ACOXL: variants seen among roughly 807,000 people sequenced by gnomAD.
The protein encoded by ACOXL is acyl-CoA oxidase like.
Under a neutral mutation model 71.9 loss-of-function variants are expected in ACOXL, and 70 were observed. The ratio of observed to expected loss-of-function variants is 0.97; its 90% CI spans 0.80 to 1.19. The LOEUF is 1.19. Ranked by LOEUF, ACOXL falls within the 50% of genes most tolerant of loss-of-function variation. The pLI is 0.00. For synonymous variants in ACOXL, 253 were observed against 281.6 expected, an observed-to-expected ratio of 0.90 and a Z score of 1.02; for missense variants, 703 against 736.3, an observed-to-expected ratio of 0.95 and a Z score of 0.52.
At chr2:111,081,424 G>A (rs992668018) in intron 16 of ACOXL, among the ~76,000 whole-genome samples, 1 of 152,130 alleles carries the variant, frequency 6.6e-6, no homozygotes, top group Non-Finnish European at 1.5e-5. Flanking sequence ...ATTTAAAATT[G>A]CTACAAAGAG....
chr2:110,853,057 C>T (rs577860477), intron 10 of ACOXL, among the ~76,000 whole-genome samples: 2 of 152,308 alleles, frequency 1.3e-5, no homozygotes, highest in South Asian at 4.2e-4. Context: ...GTCTGCATCC[C>T]CTCCACTGCC....
At chr2:110,968,519 AC>A in intron 12 of ACOXL, 1 of 1,284,614 alleles carries the variant, frequency 7.8e-7, no homozygotes, top group Admixed American at 1.7e-5. Context: ...TACACAAAGA[AC>A]AGCGTAACTC....
chr2:111,030,911 A>G (rs1450891581), intron 14 of ACOXL, among the ~76,000 whole-genome samples: 2 of 152,192 alleles, frequency 1.3e-5, no homozygotes, highest in African/African-American at 2.4e-5. Context: ...GTGATTCGGT[A>G]TCTTTCTGTT....
At chr2:110,826,049 C>T (rs369944382) in intron 9 of ACOXL, among the ~76,000 whole-genome samples, 2 of 152,166 alleles carry the variant, frequency 1.3e-5, no homozygotes, top group Admixed American at 6.5e-5. Flanking sequence ...GCCACAACAA[C>T]CCCCATCAAA....
chr2:110,842,153 G>A (rs946427817), intron 10 of ACOXL, among the ~76,000 whole-genome samples: 1 of 152,106 alleles, frequency 6.6e-6, no homozygotes, highest in Non-Finnish European at 1.5e-5. Context: ...TCCTAAAAAT[G>A]CTCATAACAA....
intron 17 of ACOXL, among the ~76,000 whole-genome samples, chr2:111,117,111 G>A (rs560752794): frequency 6.6e-6 from 1 of 152,224 alleles, no homozygotes; most frequent in Non-Finnish European, 1.5e-5. Flanking sequence ...GACCGAAGGC[G>A]CTAGTCTGGG....
At chr2:110,818,099 C>G (rs1688129825) in intron 9 of ACOXL, among the ~76,000 whole-genome samples, 1 of 151,480 alleles carries the variant, frequency 6.6e-6, no homozygotes, top group Admixed American at 6.6e-5. Flanking sequence ...GCTGAGAGTA[C>G]AAAAAGTATA....
chr2:111,073,290 A>G (rs1196638273), intron 16 of ACOXL, among the ~76,000 whole-genome samples: 1 of 152,072 alleles, frequency 6.6e-6, no homozygotes, highest in African/African-American at 2.4e-5. Flanking sequence ...TTTCTCTTTC[A>G]TGAGTTATGC....
chr2:111,091,149 T>C (rs1283169806), intron 16 of ACOXL, among the ~76,000 whole-genome samples: 1 of 152,166 alleles, frequency 6.6e-6, no homozygotes, highest in East Asian at 1.9e-4. Flanking sequence ...ACATAGCTTT[T>C]TCTTCCAGGA....
intron 14 of ACOXL, among the ~76,000 whole-genome samples, chr2:110,997,062 CAGCCAAAA>C (rs2063428486): frequency 6.6e-6 from 1 of 152,164 alleles, no homozygotes. Flanking sequence ...AACATGGAGC[CAGCCAAAA>C]TAAGAGATGG....
intron 14 of ACOXL, among the ~76,000 whole-genome samples, chr2:111,011,849 A>C (rs2064176858): frequency 7.0e-6 from 1 of 142,006 alleles, no homozygotes; most frequent in African/African-American, 2.6e-5. Context: ...GCACCACTGC[A>C]CTCCAGCCTG....
chr2:110,997,542 G>A (rs960532996), intron 14 of ACOXL, among the ~76,000 whole-genome samples: 1 of 152,098 alleles, frequency 6.6e-6, no homozygotes, highest in African/African-American at 2.4e-5. Context: ...AATATTCCAA[G>A]CCAGATTTAA....
At chr2:110,832,865 A>G (rs1690013430) in intron 9 of ACOXL, among the ~76,000 whole-genome samples, 1 of 152,242 alleles carries the variant, frequency 6.6e-6, no homozygotes, top group South Asian at 2.1e-4. Flanking sequence ...TGTAAATTAA[A>G]CCTACAGTGA....
chr2:111,045,719 C>A (rs967867689), intron 15 of ACOXL, among the ~76,000 whole-genome samples: 1 of 152,108 alleles, frequency 6.6e-6, no homozygotes, highest in Non-Finnish European at 1.5e-5. Context: ...GGCATAGTAG[C>A]CTGTGTCACA....
At chr2:110,949,066 C>G (rs2061229510) in intron 12 of ACOXL, among the ~76,000 whole-genome samples, 2 of 152,020 alleles carry the variant, frequency 1.3e-5, no homozygotes, top group Non-Finnish European at 2.9e-5. Flanking sequence ...ATGAAAAATT[C>G]TGGCTGGTGC....
rs138722177 is a variant in ACOXL, at chr2:110,740,830, G to A, written c.-23+8056G>A. 1.3e-4 allele frequency among the ~76,000 whole-genome samples: 20 copies of A among 152,290 alleles called. No homozygotes were observed. In the East Asian group the frequency reaches 2.3e-3, roughly 18 times the overall value. On this transcript the variant is annotated intron_variant, in intron 1 of 17. Coordinates refer to ENST00000439055, the MANE Select transcript of ACOXL (RefSeq NM_001142807.4). ...GCTACAGTCTAATGTGGCCAGGTCC[G>A]GTGGGACACTGGGATGTCAGCGTGT... is the stretch of plus-strand genomic sequence containing the variant.
chr2:110,873,216 T>G (rs1695480929), intron 10 of ACOXL, among the ~76,000 whole-genome samples: 1 of 152,146 alleles, frequency 6.6e-6, no homozygotes, highest in African/African-American at 2.4e-5. Context: ...GAACCCTGGC[T>G]GTGGCTAATG....
intron 1 of ACOXL, among the ~76,000 whole-genome samples, chr2:110,761,852 A>T (rs1264352319): frequency 6.6e-6 from 1 of 152,228 alleles, no homozygotes; most frequent in Admixed American, 6.5e-5. Context: ...TCTCAGCCTG[A>T]GGATACCATA....
intron 16 of ACOXL, among the ~76,000 whole-genome samples, chr2:111,065,942 A>G (rs6751312): frequency 1.1e-4 from 16 of 152,240 alleles, no homozygotes; most frequent in Non-Finnish European, 2.1e-4. Flanking sequence ...ATAAAATGGT[A>G]CAGCCACTCT....
Sources: allele counts gnomAD v4.1 joint callset (sites outside exome capture counted in the v4.1 genomes callset), GRCh38; gene constraint gnomAD v4.1.1; transcripts MANE v1.5; gene names NCBI Gene and HGNC (gene_info 2026-07-23, HGNC 2026-07-21).